The following TMEM47 variants were observed in gnomAD, a reference collection of about 807,000 sequenced individuals.
TMEM47 encodes brain cell membrane protein 1.
In TMEM47, 3 loss-of-function variants were observed where a neutral mutation model predicts 12.4. The observed-to-expected ratio is 0.24, with a 90% confidence interval of 0.11 to 0.63. The LOEUF is 0.63. TMEM47 is among the 20% of genes least tolerant of loss of function. The probability of loss-of-function intolerance (pLI) is 0.86; values close to 1 mark genes in which losing one functional copy is unlikely to be tolerated. For missense variants in TMEM47, 89 were observed against 143.8 expected, an observed-to-expected ratio of 0.62 and a Z score of 1.95; for synonymous variants, 62 against 63.3, an observed-to-expected ratio of 0.98 and a Z score of 0.10.
rs1262961847 is a variant in TMEM47 at position 34,657,280 on chromosome X, C to T, written c.-251G>A. 4.0e-6 allele frequency: 1 copy of T among 251,788 alleles called. No individual in the cohort carries two copies. Among genetic ancestry groups the T allele is most frequent in the South Asian group, 2.1e-4 (1 of 4,817 alleles). The allele number at this position is 251,788 out of a possible 1,213,427, so 20.8% of individuals were successfully genotyped here. ...GACCTTCGCCGCCGGCCCCGCGCCG[C>T]GCTCTGCCAGCGCCCGCGCCCGCTC... is the stretch of plus-strand genomic sequence containing the variant. On this transcript the variant is annotated 5_prime_UTR_variant, in exon 1 of 3. Transcript: ENST00000275954.
chrX:34,627,362 C>G lies in TMEM47; in HGVS notation c.*2951G>C, dbSNP rs1601962748. The G allele has an allele frequency of 8.9e-6, 1 of 112,052 alleles. No homozygotes were observed. The highest frequency in any genetic ancestry group is 3.2e-5 in the African/African-American group (1 of 30,777). 9.2% of individuals were successfully genotyped at this position (112,052 alleles called of 1,213,427 possible). A position where few individuals can be genotyped will look rare whatever the true frequency, so the allele number is the denominator to read the frequency against. On this transcript the variant is annotated 3_prime_UTR_variant, in exon 3 of 3. Transcript: ENST00000275954. ...TTTACTTTTAAGACAGATGAAATTT[C>G]TAGGCACAGCTTTAGGCATTAAAGA...
intron 2 of TMEM47, among the ~76,000 whole-genome samples, chrX:34,633,579 C>T (rs1331522182): frequency 2.7e-5 from 3 of 111,472 alleles, no homozygotes; most frequent in African/African-American, 9.8e-5. Context: ...TTTTATTCTA[C>T]GTGTGACAGG....
At position 34,628,169 on chromosome X, in the gene TMEM47, A is replaced by G. The variant is rs1305863582; in HGVS notation, c.*2144T>C. 1 of 111,921 alleles carries G rather than the reference A, an allele frequency of 8.9e-6. No homozygotes were observed. The highest frequency in any genetic ancestry group is 1.9e-5 in the Non-Finnish European group (1 of 53,050). The allele number at this position is 111,921 out of a possible 1,213,427, so 9.2% of individuals were successfully genotyped here. ...GAAGTGCCTCATTGGTGTCAGCACC[A>G]AAGTACTATTCTTTCATTATTCAGG... is the stretch of plus-strand genomic sequence containing the variant. On this transcript the variant is annotated 3_prime_UTR_variant, in exon 3 of 3. Transcript: ENST00000275954.
In TMEM47 at chrX:34,627,478, T is replaced by C. The variant is rs982117232; in HGVS notation, c.*2835A>G. 1 of 111,872 alleles carries C rather than the reference T, an allele frequency of 8.9e-6. No homozygotes were observed. Among genetic ancestry groups the C allele is most frequent in the African/African-American group, 3.3e-5 (1 of 30,703 alleles). The allele number at this position is 111,872 out of a possible 1,213,427, so 9.2% of individuals were successfully genotyped here. A position where few individuals can be genotyped will look rare whatever the true frequency, so the allele number is the denominator to read the frequency against. ...GCTAGCCATACAATTAGACGTCACT[T>C]ACCAGTCAGTTCATTGCATGTTTAA... is the stretch of plus-strand genomic sequence containing the variant. On this transcript the variant is annotated 3_prime_UTR_variant, in exon 3 of 3. Transcript: ENST00000275954.
chrX:34,647,068 C>A (rs1042146273), intron 1 of TMEM47, among the ~76,000 whole-genome samples: 1 of 111,199 alleles, frequency 9.0e-6, no homozygotes, highest in African/African-American at 3.3e-5. Context: ...CCAATGACTA[C>A]GTTTCAATGA....
chrX:34,652,978 A>T (rs1049448267), intron 1 of TMEM47, among the ~76,000 whole-genome samples: 4 of 112,169 alleles, frequency 3.6e-5, no homozygotes, highest in Non-Finnish European at 7.5e-5. Context: ...TCCTAATGAA[A>T]CTGTGTTTTC....
intron 2 of TMEM47, among the ~76,000 whole-genome samples, chrX:34,637,010 T>C (rs2147138213): frequency 8.9e-6 from 1 of 112,213 alleles, no homozygotes; most frequent in African/African-American, 3.2e-5. Context: ...CTTGGGAAAT[T>C]ACTTAATTTT....
chrX:34,633,409 C>G (rs941021785), intron 2 of TMEM47, among the ~76,000 whole-genome samples: 1 of 110,990 alleles, frequency 9.0e-6, no homozygotes, highest in African/African-American at 3.3e-5. Context: ...CACTGCAAAA[C>G]TCCCATCACA....
At chrX:34,651,214 G>C (rs1411802572) in intron 1 of TMEM47, among the ~76,000 whole-genome samples, 1 of 111,952 alleles carries the variant, frequency 8.9e-6, no homozygotes, top group Non-Finnish European at 1.9e-5. Context: ...ACTGAATGTG[G>C]TAGAAGACAT....
At chrX:34,634,585 T>C (rs5973218) in intron 2 of TMEM47, among the ~76,000 whole-genome samples, 53,248 of 111,039 alleles carry the variant, frequency 0.48, 11,671 homozygotes, top group African/African-American at 0.86. Flanking sequence ...TATAAATCAA[T>C]GCATTCAACA....
Position 34,639,402 on chromosome X carries a change from G to T in TMEM47, c.227-15C>A. 1 of 1,200,473 alleles carries T rather than the reference G, an allele frequency of 8.3e-7. No homozygotes were observed. Among genetic ancestry groups the T allele is most frequent in the South Asian group, 1.8e-5 (1 of 55,031 alleles). ...AATCTGCCAATCTGGAAAGAAAAAA[G>T]AAATTGTTTTTGAGTAGTAAGTCCT... On this transcript the variant is annotated splice_polypyrimidine_tract_variant and intron_variant, in intron 1 of 2. Transcript: ENST00000275954.
intron 1 of TMEM47, among the ~76,000 whole-genome samples, chrX:34,645,106 T>C (rs943460384): frequency 2.7e-5 from 3 of 112,035 alleles, no homozygotes; most frequent in African/African-American, 6.5e-5. Flanking sequence ...TTGTAGGACA[T>C]ATTTATAGCA....
chrX:34,638,092 A>C (rs1921748624), intron 2 of TMEM47, among the ~76,000 whole-genome samples: 1 of 111,293 alleles, frequency 9.0e-6, no homozygotes, highest in Non-Finnish European at 1.9e-5. Flanking sequence ...GGTGTCTAAT[A>C]CTGTGTTTAG....
At position 34,630,370 on chromosome X, in the gene TMEM47, C is replaced by T. The variant is rs767192945; in HGVS notation, c.489G>A (p.Ser163=). ...GGCAATAAAGGATGGCACCCCCAAA[C>T]GAAAATATAGTTGCACCCCAGGCCA... ...YGLAWGATIF[S]FGGAILYCLN... is the part of the protein sequence containing the mutation. The change falls in exon 3 of 3, where the codon TCG becomes TCA. Residue 163 remains serine (S), a synonymous_variant. Transcript: ENST00000275954. 11 of 1,208,118 alleles carry T rather than the reference C, an allele frequency of 9.1e-6. No homozygotes were observed. The highest frequency in any genetic ancestry group is 3.5e-5 in the African/African-American group (2 of 56,955).
intron 1 of TMEM47, among the ~76,000 whole-genome samples, chrX:34,640,280 T>G (rs915870199): frequency 8.9e-6 from 1 of 112,210 alleles, no homozygotes. Context: ...TAAGCATATA[T>G]TGACCACTTA....
chrX:34,631,714 A>ATTTTGT (rs1412556763), intron 2 of TMEM47, among the ~76,000 whole-genome samples: 74 of 111,695 alleles, frequency 6.6e-4, no homozygotes, highest in Non-Finnish European at 9.0e-4. Context: ...GGGAATGTTT[A>ATTTTGT]TTTTGTTTTT....
chrX:34,644,796 T>C (rs1921881102), intron 1 of TMEM47, among the ~76,000 whole-genome samples: 1 of 112,024 alleles, frequency 8.9e-6, no homozygotes, highest in African/African-American at 3.2e-5. Context: ...TATGGATGAT[T>C]CTCGCTTTTC....
In TMEM47 at chrX:34,630,114, C is replaced by T; in HGVS notation, c.*199G>A. 1 of 376,975 alleles carries T rather than the reference C, an allele frequency of 2.7e-6. No individual in the cohort carries two copies. The allele number at this position is 376,975 out of a possible 1,213,427, so 31.1% of individuals were successfully genotyped here. ...AGCATTTGCCTATGTCTAATCAGCT[C>T]TCTTAATTTGTGCAGATTTCTAAAA... is the stretch of plus-strand genomic sequence containing the variant. On this transcript the variant is annotated 3_prime_UTR_variant, in exon 3 of 3. Coordinates refer to ENST00000275954, the MANE Select transcript of TMEM47 (RefSeq NM_031442.4).
chrX:34,638,742 A>G (rs940399138), intron 2 of TMEM47, among the ~76,000 whole-genome samples: 15 of 112,322 alleles, frequency 1.3e-4, no homozygotes, highest in African/African-American at 4.5e-4. Context: ...GCTTCATACA[A>G]TGATGGTTGA....
Sources: gnomAD v4.1 joint callset for allele counts (sites outside exome capture counted in the v4.1 genomes callset) on GRCh38, gnomAD v4.1.1 for gene constraint, MANE v1.5 for transcripts, NCBI Gene and HGNC (gene_info 2026-07-23, HGNC 2026-07-21) for gene names.